The following NKX1-1 variants were observed in gnomAD, a reference collection of about 807,000 sequenced individuals.
NKX1-1 encodes the protein NK1 transcription factor-related protein 1.
A neutral mutation model predicts 1.7 loss-of-function variants in NKX1-1; 7 were observed. The ratio of observed to expected loss-of-function variants is 4.22; its 90% confidence interval spans 2.40 to 7.92. The LOEUF is 7.92. Ranked by LOEUF, NKX1-1 falls within the 30% of genes most tolerant of loss-of-function variation. The pLI is 0.00. For synonymous variants in NKX1-1, 242 were observed against 85.3 expected, an observed-to-expected ratio of 2.84 and a Z score of -10.13; for missense variants, 453 against 171.5, an observed-to-expected ratio of 2.64 and a Z score of -9.17.
At chr4:1,404,657 G>A (rs1227583874) in intron 1 of NKX1-1, among the ~76,000 whole-genome samples, 4 of 152,250 alleles carry the variant, frequency 2.6e-5, no homozygotes, top group African/African-American at 7.2e-5. Flanking sequence ...TTGGAAGAAA[G>A]CATCTCTCCC....
intron 1 of NKX1-1, among the ~76,000 whole-genome samples, chr4:1,405,408 TGCACGCG>T (rs1720731894): frequency 6.6e-6 from 1 of 152,196 alleles, no homozygotes; most frequent in Admixed American, 6.5e-5. Context: ...GAAAGAGATA[TGCACGCG>T]CCGTAATGGG....
rs769472290 is a variant in NKX1-1, at chr4:1,403,332, T to G, written c.947A>C (p.Lys316Thr). Residue 316 changes from lysine to threonine, a missense_variant, in exon 2 of 2, where the codon AAG becomes ACG. Lys to Thr is a moderately conservative substitution (Grantham distance 78). Coordinates refer to ENST00000422806, the MANE Select transcript of NKX1-1 (RefSeq NM_001290079.1). ...EQLVALENKF[K>T]ATRYLSVCER... ...GCACACCGACAGGTAGCGCGTGGCCTTGAACTTGTTCTCCAGCGCCACGAG... is the reference window on the plus strand; with the variant it reads ...GCACACCGACAGGTAGCGCGTGGCCGTGAACTTGTTCTCCAGCGCCACGAG... 2 of 724,648 alleles carry G rather than the reference T, an allele frequency of 2.8e-6. No individual in the cohort carries two copies. The highest frequency in any genetic ancestry group is 4.9e-6 in the Non-Finnish European group (2 of 408,226). The allele number at this position is 724,648 out of a possible 1,614,324, so 44.9% of individuals were successfully genotyped here.
At chr4:1,405,860 C>G (rs1720740362) in intron 1 of NKX1-1, 120 bp downstream of exon 1, 1 of 396,524 alleles carries the variant, frequency 2.5e-6, no homozygotes, top group Non-Finnish European at 4.4e-6. Context: ...GCTCAGCGAA[C>G]TTTCCACGGA....
Position 1,406,226 on chromosome 4 carries a change from G to A in NKX1-1, c.217C>T (p.Pro73Ser), listed in dbSNP as rs865911417. The A allele has an allele frequency of 3.7e-6, 2 of 537,276 alleles. No individual in the cohort carries two copies. The highest frequency in any genetic ancestry group is 2.3e-5 in the South Asian group (1 of 44,336). 33.3% of individuals were successfully genotyped at this position (537,276 alleles called of 1,614,324 possible). ...GAGGTGGGGCGCAGGGGCGCTGCGGGCCGGGCCGCTCCAGCCCCCTCGGGC... is the reference window on the plus strand; with the variant it reads ...GAGGTGGGGCGCAGGGGCGCTGCGGACCGGGCCGCTCCAGCCCCCTCGGGC... Reference protein sequence around the residue: ...AAPEGAGAARPAAPLRPTSFS... With the variant: ...AAPEGAGAARSAAPLRPTSFS... Residue 73 changes from proline to serine, a missense_variant, in exon 1 of 2, where the codon CCC (proline) becomes TCC (serine). Transcript: ENST00000422806.
rs973271344 is a variant in NKX1-1, at chr4:1,403,461, G to C, written c.818C>G (p.Pro273Arg). ...AAAPGGAGTT[P>R]QGTATAAKPK... ...CTTCGCCGCCGTCGCCGTGCCCTGC[G>C]GGGTGGTCCCCGCGCCCCCCGGCGC... is the stretch of plus-strand genomic sequence containing the variant. The change falls in exon 2 of 2, where the codon CCG (proline) becomes CGG (arginine). Residue 273 changes from proline to arginine, a missense_variant. Transcript: ENST00000422806. The C allele has an allele frequency of 1.8e-5, 11 of 609,276 alleles. No homozygotes were observed. The highest frequency in any genetic ancestry group is 5.9e-6 in the Non-Finnish European group (2 of 341,806). The allele number at this position is 609,276 out of a possible 1,614,324, so 37.7% of individuals were successfully genotyped here. A position where few individuals can be genotyped will look rare whatever the true frequency, so the allele number is the denominator to read the frequency against.
Position 1,406,295 on chromosome 4 carries a change from C to G in NKX1-1, c.148G>C (p.Ala50Pro). The G allele has an allele frequency of 2.5e-6, 1 of 404,802 alleles. No individual in the cohort carries two copies. The highest frequency in any genetic ancestry group is 4.3e-6 in the Non-Finnish European group (1 of 231,992). The allele number at this position is 404,802 out of a possible 1,614,324, so 25.1% of individuals were successfully genotyped here. ...CTGGCCGCGAGCGGCGGGGCTCCAG[C>G]GCGGGGAAAGGCCGGCAGCTCGGCG... Reference protein sequence around the residue: ...GRAELPAFPRAGAPPLAASDT... With the variant: ...GRAELPAFPRPGAPPLAASDT... Residue 50 changes from alanine (A) to proline (P), a missense_variant, in exon 1 of 2, where the codon GCT (alanine) becomes CCT (proline). Transcript: ENST00000422806.
chr4:1,405,966 C>T lies in NKX1-1; in HGVS notation c.463+14G>A, dbSNP rs1458334872. 6.6e-6 allele frequency: 3 copies of T among 455,238 alleles called. No homozygotes were observed. The highest frequency in any genetic ancestry group is 7.0e-5 in the East Asian group (2 of 28,434). 28.2% of individuals were successfully genotyped at this position (455,238 alleles called of 1,614,324 possible). On this transcript the variant is annotated intron_variant, in intron 1 of 1. Coordinates refer to ENST00000422806, the MANE Select transcript of NKX1-1 (RefSeq NM_001290079.1). ...CCCGTCCCTGCGACCTGGTGCCGGG[C>T]GCATCCTACTCACTCGGCGGCTCAG... is the stretch of plus-strand genomic sequence containing the variant.
Position 1,403,397 on chromosome 4 carries a change from C to T in NKX1-1, c.882G>A (p.Gly294=), listed in dbSNP as rs1324362920. ...RKRTGSDSKS[G]KPRRARTAFT... ...AGGCGGTGCGCGCTCGCCGCGGCTT[C>T]CCGGACTTGGAGTCGGACCCCGTGC... Residue 294 remains glycine, a synonymous_variant, in exon 2 of 2, where the codon GGG becomes GGA. Coordinates refer to ENST00000422806, the MANE Select transcript of NKX1-1 (RefSeq NM_001290079.1). The T allele has an allele frequency of 7.4e-6, 5 of 678,686 alleles. No homozygotes were observed. In the Admixed American group the frequency reaches 9.1e-5, roughly 12 times the overall value. 42.0% of individuals were successfully genotyped at this position (678,686 alleles called of 1,614,324 possible).
chr4:1,403,881 T>A, intron 1 of NKX1-1, 66 bp from the exon 2 acceptor site: 1 of 528,610 alleles, frequency 1.9e-6, no homozygotes, highest in South Asian at 2.4e-5. Flanking sequence ...GATCCCGCCC[T>A]CCGCGCGCCC....
Position 1,403,706 on chromosome 4 carries a change from G to A in NKX1-1, c.573C>T (p.Pro191=), listed in dbSNP as rs762170546. ...SPSADSGDEV[P]DDEDDDEDEA... ...CGTCCTCGTCGTCGTCCTCGTCGTCGGGAACCTCGTCCCCGCTGTCCGCGC... is the reference window on the plus strand; with the variant it reads ...CGTCCTCGTCGTCGTCCTCGTCGTCAGGAACCTCGTCCCCGCTGTCCGCGC... Residue 191 remains proline (P), a synonymous_variant, in exon 2 of 2, where the codon CCC becomes CCT. Transcript: ENST00000422806. The A allele has an allele frequency of 2.9e-6, 2 of 686,992 alleles. No individual in the cohort carries two copies. Among genetic ancestry groups the A allele is most frequent in the Admixed American group, 2.1e-5 (1 of 47,874 alleles). 42.6% of individuals were successfully genotyped at this position (686,992 alleles called of 1,614,324 possible). A position where few individuals can be genotyped will look rare whatever the true frequency, so the allele number is the denominator to read the frequency against.
Position 1,403,413 on chromosome 4 carries a change from G to A in NKX1-1, c.866C>T (p.Ser289Phe), listed in dbSNP as rs1223567025. 9 of 657,674 alleles carry A rather than the reference G, an allele frequency of 1.4e-5. No homozygotes were observed. In the East Asian group the frequency reaches 2.6e-4, roughly 19 times the overall value. The allele number at this position is 657,674 out of a possible 1,614,324, so 40.7% of individuals were successfully genotyped here. A position where few individuals can be genotyped will look rare whatever the true frequency, so the allele number is the denominator to read the frequency against. ...CCGCGGCTTCCCGGACTTGGAGTCG[G>A]ACCCCGTGCGCTTCCGCTTGGGCTT... is the stretch of plus-strand genomic sequence containing the variant. ...AAKPKRKRTG[S>F]DSKSGKPRRA... is the part of the protein sequence containing the mutation. Residue 289 changes from serine to phenylalanine, a missense_variant, in exon 2 of 2, where the codon TCC becomes TTC. Transcript: ENST00000422806.
intron 1 of NKX1-1, among the ~76,000 whole-genome samples, chr4:1,404,284 C>A (rs1459013264): frequency 6.6e-6 from 1 of 152,270 alleles, no homozygotes; most frequent in Non-Finnish European, 1.5e-5. Context: ...CCCCAATTAC[C>A]GCCGGCGCAG....
In NKX1-1 at chr4:1,406,186, TC is replaced by T; in HGVS notation, c.256del (p.Asp86ThrfsTer255). ...GTTGAACTTGTTGGGGTCCAGGATG[TC>T]CAGTACCGAGAAGGAGGTGGGGCGC... Reference protein sequence around the residue: ...PLRPTSFSVLDILDPNKFNSR... With the variant: ...PLRPTSFSVLXILDPNKFNSR... On this transcript the variant is annotated frameshift_variant, in exon 1 of 2. Coordinates refer to ENST00000422806, the MANE Select transcript of NKX1-1 (RefSeq NM_001290079.1). LOFTEE classifies it high-confidence loss of function. 1 of 600,884 alleles carries T rather than the reference TC, an allele frequency of 1.7e-6. No individual in the cohort carries two copies. 37.2% of individuals were successfully genotyped at this position (600,884 alleles called of 1,614,324 possible). A position where few individuals can be genotyped will look rare whatever the true frequency, so the allele number is the denominator to read the frequency against.
chr4:1,403,476 C>T lies in NKX1-1; in HGVS notation c.803G>A (p.Gly268Asp). The change falls in exon 2 of 2, where the codon GGC becomes GAC. Residue 268 changes from glycine (G) to aspartate (D), a missense_variant. By Grantham distance (94) the Gly-to-Asp change is moderately conservative. Transcript: ENST00000422806. Reference sequence around the variant, plus strand: ...CGTGCCCTGCGGGGTGGTCCCCGCGCCCCCCGGCGCCGCTGCACCTCCCGG... The same window carrying T: ...CGTGCCCTGCGGGGTGGTCCCCGCGTCCCCCGGCGCCGCTGCACCTCCCGG... ...GPPGGAAAPG[G>D]AGTTPQGTAT... 1.8e-6 allele frequency: 1 copy of T among 569,278 alleles called. No individual in the cohort carries two copies. The highest frequency in any genetic ancestry group is 3.1e-6 in the Non-Finnish European group (1 of 322,626). 35.3% of individuals were successfully genotyped at this position (569,278 alleles called of 1,614,324 possible).
chr4:1,406,197 G>A lies in NKX1-1; in HGVS notation c.246C>T (p.Phe82=), dbSNP rs1411281661. Reference sequence around the variant, plus strand: ...TGGGGTCCAGGATGTCCAGTACCGAGAAGGAGGTGGGGCGCAGGGGCGCTG... The same window carrying A: ...TGGGGTCCAGGATGTCCAGTACCGAAAAGGAGGTGGGGCGCAGGGGCGCTG... ...RPAAPLRPTS[F]SVLDILDPNK... Residue 82 remains phenylalanine, a synonymous_variant, in exon 1 of 2, where the codon TTC becomes TTT. Coordinates refer to ENST00000422806, the MANE Select transcript of NKX1-1 (RefSeq NM_001290079.1). The A allele has an allele frequency of 1.0e-5, 6 of 590,858 alleles. No individual in the cohort carries two copies. Among genetic ancestry groups the A allele is most frequent in the Non-Finnish European group, 1.8e-5 (6 of 330,378 alleles). 36.6% of individuals were successfully genotyped at this position (590,858 alleles called of 1,614,324 possible).
Position 1,403,806 on chromosome 4 carries a change from T to C in NKX1-1, c.473A>G (p.Asp158Gly). Reference sequence around the variant, plus strand: ...CTCGGCCTCCCCTGCCTTGAAGGGGTCGCCGGCGTCTGCGGGAGGGAGGGA... The same window carrying C: ...CTCGGCCTCCCCTGCCTTGAAGGGGCCGCCGGCGTCTGCGGGAGGGAGGGA... ...AAGAEPPNAG[D>G]PFKAGEAETN... Residue 158 changes from aspartate to glycine, a missense_variant, in exon 2 of 2, where the codon GAC becomes GGC. By Grantham distance (94) the Asp-to-Gly change is moderately conservative. Transcript: ENST00000422806. 1.5e-6 allele frequency: 1 copy of C among 669,418 alleles called. No individual in the cohort carries two copies. Among genetic ancestry groups the C allele is most frequent in the Non-Finnish European group, 2.7e-6 (1 of 370,004 alleles). The allele number at this position is 669,418 out of a possible 1,614,324, so 41.5% of individuals were successfully genotyped here. A position where few individuals can be genotyped will look rare whatever the true frequency, so the allele number is the denominator to read the frequency against.
Position 1,403,310 on chromosome 4 carries a change from C to T in NKX1-1, c.969G>A (p.Val323=). 1.4e-6 allele frequency: 1 copy of T among 713,094 alleles called. No homozygotes were observed. 44.2% of individuals were successfully genotyped at this position (713,094 alleles called of 1,614,324 possible). ...ACAGCGCCAGGTTGAGGCGCTCGCA[C>T]ACCGACAGGTAGCGCGTGGCCTTGA... ...NKFKATRYLS[V]CERLNLALSL... The change falls in exon 2 of 2, where the codon GTG becomes GTA. Residue 323 remains valine (V), a synonymous_variant. Coordinates refer to ENST00000422806, the MANE Select transcript of NKX1-1 (RefSeq NM_001290079.1).
rs747967707 is a variant in NKX1-1, at chr4:1,403,615, C to T, written c.664G>A (p.Ala222Thr). The T allele has an allele frequency of 8.0e-6, 4 of 498,432 alleles. No individual in the cohort carries two copies. In the South Asian group the frequency reaches 1.3e-4, roughly 16 times the overall value. 30.9% of individuals were successfully genotyped at this position (498,432 alleles called of 1,614,324 possible). A position where few individuals can be genotyped will look rare whatever the true frequency, so the allele number is the denominator to read the frequency against. ...EARGGGGGLG[A>T]RGSGCQGAAE... is the part of the protein sequence containing the mutation. ...GCGCCCTGGCAACCCGACCCGCGGG[C>T]CCCGAGGCCGCCGCCGCCTCCCCGC... Residue 222 changes from alanine (A) to threonine (T), a missense_variant, in exon 2 of 2, where the codon GCC (alanine) becomes ACC (threonine). Coordinates refer to ENST00000422806, the MANE Select transcript of NKX1-1 (RefSeq NM_001290079.1).
intron 1 of NKX1-1, among the ~76,000 whole-genome samples, chr4:1,405,474 C>T (rs1720733194): frequency 1.3e-5 from 2 of 152,246 alleles, no homozygotes; most frequent in Non-Finnish European, 2.9e-5. Context: ...GGCCGCTTTC[C>T]GCCGCTAAGC....
Sources: gnomAD v4.1 joint callset for allele counts (sites outside exome capture counted in the v4.1 genomes callset) on GRCh38, gnomAD v4.1.1 for gene constraint, MANE v1.5 for transcripts, NCBI Gene and HGNC (gene_info 2026-07-23, HGNC 2026-07-21) for gene names.